The following PIBF1 variants were observed in gnomAD, a reference collection of about 807,000 sequenced individuals.
PIBF1 encodes the protein progesterone immunomodulatory binding factor 1.
A neutral mutation model predicts 112.5 loss-of-function variants in PIBF1; 90 were observed. That is an observed-to-expected ratio of 0.80 (90% CI 0.67 to 0.95). The LOEUF (loss-of-function observed/expected upper bound fraction) is 0.95. Ranked by LOEUF, PIBF1 falls within the 40% of genes least tolerant of loss-of-function variation. The pLI, the probability that PIBF1 is intolerant of heterozygous loss-of-function variation, is 0.00. For missense variants in PIBF1, 915 were observed against 852.3 expected (o/e 1.07, Z -0.92); for synonymous variants, 301 against 288.6 (o/e 1.04, Z -0.44).
At chr13:72,906,675 A>AT (rs1222770052) in intron 11 of PIBF1, among the ~76,000 whole-genome samples, 3 of 152,148 alleles carry the variant, frequency 2.0e-5, no homozygotes, top group Non-Finnish European at 2.9e-5. Context: ...TTATGAAGAT[A>AT]TTTTTTAAAT....
chr13:73,003,098 C>T (rs772509164), intron 17 of PIBF1, among the ~76,000 whole-genome samples: 3 of 150,586 alleles, frequency 2.0e-5, no homozygotes, highest in South Asian at 4.2e-4. Context: ...GAGTTTACGA[C>T]GTAGTTCAGG....
At chr13:73,001,625 CTT>C (rs777363863) in intron 17 of PIBF1, among the ~76,000 whole-genome samples, 9 of 29,826 alleles carry the variant, frequency 3.0e-4, no homozygotes, top group Admixed American at 1.7e-3. Context: ...CTTCTGAAGA[CTT>C]TTTTTTTTTT....
At chr13:72,853,495 G>C (rs1343411952) in intron 9 of PIBF1, among the ~76,000 whole-genome samples, 2 of 152,096 alleles carry the variant, frequency 1.3e-5, no homozygotes, top group Admixed American at 6.5e-5. Context: ...ATTACACTTT[G>C]ACTTAATCTG....
chr13:72,863,494 G>GAA (rs71099762), intron 10 of PIBF1, among the ~76,000 whole-genome samples: 2 of 143,104 alleles, frequency 1.4e-5, no homozygotes, highest in Middle Eastern at 3.6e-3. Flanking sequence ...TACTAAAAAT[G>GAA]AAAAAAAAAA....
chr13:72,999,625 A>G (rs1175429771), intron 17 of PIBF1, among the ~76,000 whole-genome samples: 2 of 152,234 alleles, frequency 1.3e-5, no homozygotes, highest in Non-Finnish European at 1.5e-5. Context: ...AGTTGAATAT[A>G]ATAGTCAAAT....
At chr13:72,975,343 C>T (rs2042994223) in intron 16 of PIBF1, among the ~76,000 whole-genome samples, 1 of 152,082 alleles carries the variant, frequency 6.6e-6, no homozygotes, top group African/African-American at 2.4e-5. Context: ...GTGTGAGCCA[C>T]CGCGCCCGAC....
chr13:72,993,662 C>T (rs953652156), intron 16 of PIBF1, among the ~76,000 whole-genome samples: 5 of 148,362 alleles, frequency 3.4e-5, no homozygotes, highest in African/African-American at 1.2e-4. Context: ...AGGGGAATGG[C>T]GTGAACCCAG....
intron 14 of PIBF1, among the ~76,000 whole-genome samples, chr13:72,959,697 T>G (rs1203107405): frequency 6.6e-6 from 1 of 152,244 alleles, no homozygotes; most frequent in African/African-American, 2.4e-5. Context: ...TAGATTCTCA[T>G]CTAAGTTAAA....
At chr13:72,901,037 AAAACAAAC>A (rs562082969) in intron 11 of PIBF1, 1 of 434,608 alleles carries the variant, frequency 2.3e-6, no homozygotes. Flanking sequence ...CAAAAAGCAA[AAAACAAAC>A]AAACAAACAA....
intron 9 of PIBF1, among the ~76,000 whole-genome samples, chr13:72,839,784 AG>A (rs2037523369): frequency 6.6e-6 from 1 of 152,134 alleles, no homozygotes; most frequent in Non-Finnish European, 1.5e-5. Context: ...TGTGGTTGGT[AG>A]GGGTAGGTTG....
intron 10 of PIBF1, among the ~76,000 whole-genome samples, chr13:72,867,165 T>C (rs1005447329): frequency 1.3e-5 from 2 of 152,138 alleles, no homozygotes; most frequent in African/African-American, 4.8e-5. Context: ...GTTCTTGTGA[T>C]AGTAAATAAG....
intron 10 of PIBF1, among the ~76,000 whole-genome samples, chr13:72,874,261 G>T (rs2039298210): frequency 6.6e-6 from 1 of 152,064 alleles, no homozygotes; most frequent in Non-Finnish European, 1.5e-5. Context: ...ATTTACTCAA[G>T]AGAAATGAAA....
At chr13:72,805,754 T>G (rs1405967857) in intron 5 of PIBF1, among the ~76,000 whole-genome samples, 3 of 152,208 alleles carry the variant, frequency 2.0e-5, no homozygotes, top group Admixed American at 2.0e-4. Flanking sequence ...GAAGTAGGTG[T>G]AATTGCTTGA....
chr13:72,789,130 T>C (rs1486609049), intron 2 of PIBF1, among the ~76,000 whole-genome samples: 1 of 152,162 alleles, frequency 6.6e-6, no homozygotes, highest in African/African-American at 2.4e-5. Context: ...TTCCATCTAT[T>C]GCTGCCTAGA....
At chr13:72,789,521 T>G (rs568698143) in intron 2 of PIBF1, among the ~76,000 whole-genome samples, 7 of 152,238 alleles carry the variant, frequency 4.6e-5, no homozygotes, top group South Asian at 4.2e-4. Context: ...CTCTTTTTAT[T>G]TATCTCTCAT....
At chr13:72,892,785 T>TACACACACACACACACAC (rs113653296) in intron 10 of PIBF1, among the ~76,000 whole-genome samples, 390 of 140,736 alleles carry the variant, frequency 2.8e-3, no homozygotes, top group Non-Finnish European at 4.4e-3. Flanking sequence ...CCTCCTGCCT[T>TACACACACACACACACAC]ACACACACAC....
At chr13:72,802,219 T>G (rs1405367353) in intron 5 of PIBF1, among the ~76,000 whole-genome samples, 2 of 152,112 alleles carry the variant, frequency 1.3e-5, no homozygotes, top group African/African-American at 4.8e-5. Context: ...AAGGGTCAAG[T>G]CTATTTAAGG....
chr13:72,978,582 T>C (rs1160407743), intron 16 of PIBF1, among the ~76,000 whole-genome samples: 4 of 152,194 alleles, frequency 2.6e-5, no homozygotes, highest in Admixed American at 6.5e-5. Flanking sequence ...TTAATGTGTT[T>C]CCTTTTTGTC....
intron 10 of PIBF1, among the ~76,000 whole-genome samples, chr13:72,867,142 T>A (rs1195458331): frequency 6.6e-6 from 1 of 152,168 alleles, no homozygotes; most frequent in Non-Finnish European, 1.5e-5. Context: ...CGGGGGCAGA[T>A]CTTTCCCATG....
Sources: gnomAD v4.1 joint callset for allele counts (sites outside exome capture counted in the v4.1 genomes callset) on GRCh38, gnomAD v4.1.1 for gene constraint, MANE v1.5 for transcripts, NCBI Gene and HGNC (gene_info 2026-07-23, HGNC 2026-07-21) for gene names.